The following STPG2 variants were observed in gnomAD, a reference collection of about 807,000 sequenced individuals.
STPG2 encodes the protein sperm-tail PG-rich repeat-containing protein 2.
A neutral mutation model predicts 54.2 loss-of-function variants in STPG2; 56 were observed. The ratio of observed to expected loss-of-function variants is 1.03; its 90% CI spans 0.83 to 1.29. The LOEUF (loss-of-function observed/expected upper bound fraction) is 1.29, where lower values mean the gene tolerates loss of function less well. Ranked by LOEUF, STPG2 falls within the 50% of genes most tolerant of loss-of-function variation. The pLI is 0.00. For missense variants in STPG2, 596 were observed against 544.9 expected (o/e 1.09, Z -0.93); for synonymous variants, 200 against 181.8 (o/e 1.10, Z -0.81).
intron 8 of STPG2, among the ~76,000 whole-genome samples, chr4:97,928,691 T>A (rs1403537229): frequency 6.6e-6 from 1 of 152,120 alleles, no homozygotes; most frequent in Admixed American, 6.5e-5. Context: ...ACAAGTTTAA[T>A]ATAAGGCCTA....
chr4:97,664,957 G>A (rs1468042371), intron 10 of STPG2, among the ~76,000 whole-genome samples: 1 of 152,094 alleles, frequency 6.6e-6, no homozygotes, highest in African/African-American at 2.4e-5. Flanking sequence ...AGGGAGGCTG[G>A]CTGCGGCAGG....
chr4:97,544,231 C>T (rs1011434742), intron 4 of STPG2, among the ~76,000 whole-genome samples: 4 of 152,030 alleles, frequency 2.6e-5, no homozygotes, highest in Admixed American at 6.6e-5. Context: ...AAAGTTAATG[C>T]AATCCATGGA....
intron 4 of STPG2, among the ~76,000 whole-genome samples, chr4:97,511,127 T>C (rs1461373153): frequency 6.6e-6 from 1 of 151,964 alleles, no homozygotes; most frequent in African/African-American, 2.4e-5. Flanking sequence ...ATTATGTAAA[T>C]TCAAAAAGTA....
At chr4:98,063,278 G>A (rs36015051) in intron 5 of STPG2, among the ~76,000 whole-genome samples, 59,768 of 151,518 alleles carry the variant, frequency 0.39, 11,996 homozygotes, top group Middle Eastern at 0.46. Flanking sequence ...GTGAAACCCC[G>A]TCTCTACTAA....
intron 5 of STPG2, among the ~76,000 whole-genome samples, chr4:98,068,528 C>A (rs1484981371): frequency 2.0e-5 from 3 of 152,028 alleles, no homozygotes; most frequent in Admixed American, 6.6e-5. Context: ...CTGAATTGCT[C>A]CTGAGTTTCA....
intron 4 of STPG2, among the ~76,000 whole-genome samples, chr4:97,513,646 T>C (rs1731017855): frequency 1.3e-5 from 2 of 152,136 alleles, no homozygotes; most frequent in African/African-American, 4.8e-5. Flanking sequence ...TATCTTATTA[T>C]AGATCATATC....
chr4:98,015,034 C>A (rs13122897), intron 5 of STPG2, among the ~76,000 whole-genome samples: 59,941 of 151,930 alleles, frequency 0.39, 12,051 homozygotes, highest in Middle Eastern at 0.46. Context: ...CTTTCAAATT[C>A]TCTTTGTTGT....
chr4:97,462,961 C>A (rs751568106), intron 4 of STPG2, among the ~76,000 whole-genome samples: 3 of 152,006 alleles, frequency 2.0e-5, no homozygotes, highest in African/African-American at 7.2e-5. Context: ...TTAAAAATTT[C>A]TTTATCTGAT....
chr4:97,698,935 C>T (rs1365822088), intron 10 of STPG2, among the ~76,000 whole-genome samples: 2 of 152,092 alleles, frequency 1.3e-5, no homozygotes, highest in Non-Finnish European at 2.9e-5. Flanking sequence ...TGTGGAATAC[C>T]ATGACAGTGG....
At chr4:97,560,321 A>G (rs921243151) in intron 10 of STPG2, among the ~76,000 whole-genome samples, 2 of 152,186 alleles carry the variant, frequency 1.3e-5, no homozygotes, top group Non-Finnish European at 1.5e-5. Flanking sequence ...TCTGTCATCA[A>G]TCATATTGTA....
At chr4:97,949,207 T>A (rs1475811579) in intron 7 of STPG2, among the ~76,000 whole-genome samples, 1 of 152,148 alleles carries the variant, frequency 6.6e-6, no homozygotes, top group African/African-American at 2.4e-5. Flanking sequence ...TAAAGTTTGT[T>A]GTTGTTTTAT....
At chr4:97,498,988 G>T (rs1484004287) in intron 4 of STPG2, among the ~76,000 whole-genome samples, 1 of 151,916 alleles carries the variant, frequency 6.6e-6, no homozygotes, top group Non-Finnish European at 1.5e-5. Context: ...CAGTACTTAA[G>T]GAATGATGAG....
chr4:97,827,169 T>G (rs1413920237), intron 9 of STPG2, among the ~76,000 whole-genome samples: 1 of 152,050 alleles, frequency 6.6e-6, no homozygotes, highest in African/African-American at 2.4e-5. Flanking sequence ...TTTGACTCTT[T>G]GCTTAAAATG....
At chr4:97,675,908 T>A (rs1722823485) in intron 10 of STPG2, among the ~76,000 whole-genome samples, 1 of 146,720 alleles carries the variant, frequency 6.8e-6, no homozygotes, top group South Asian at 2.1e-4. Context: ...CATATATATA[T>A]AGTGTATATA....
intron 10 of STPG2, among the ~76,000 whole-genome samples, chr4:97,708,413 G>A (rs1724017264): frequency 6.6e-6 from 1 of 151,886 alleles, no homozygotes; most frequent in South Asian, 2.1e-4. Flanking sequence ...ATGAAGTAAA[G>A]GGAAATATGG....
intron 5 of STPG2, among the ~76,000 whole-genome samples, chr4:98,023,925 C>T (rs1448310645): frequency 6.6e-6 from 1 of 152,114 alleles, no homozygotes; most frequent in South Asian, 2.1e-4. Context: ...TTCCAGGTGC[C>T]GTCTGTCACC....
chr4:97,839,888 C>T (rs1433686029), intron 9 of STPG2, among the ~76,000 whole-genome samples: 1 of 151,364 alleles, frequency 6.6e-6, no homozygotes, highest in African/African-American at 2.4e-5. Context: ...ATTTTTTTCT[C>T]CATATTCTCA....
At chr4:98,023,870 A>T (rs1438673819) in intron 5 of STPG2, among the ~76,000 whole-genome samples, 2 of 152,150 alleles carry the variant, frequency 1.3e-5, no homozygotes. Context: ...GCCGTTTTTT[A>T]AGCCCGTTGG....
At chr4:98,075,059 C>T (rs1738119464) in intron 5 of STPG2, among the ~76,000 whole-genome samples, 1 of 152,180 alleles carries the variant, frequency 6.6e-6, no homozygotes, top group Non-Finnish European at 1.5e-5. Context: ...AATTTTGACA[C>T]TGAGTTTAAA....
Sources: gnomAD v4.1 joint callset for allele counts (sites outside exome capture counted in the v4.1 genomes callset) on GRCh38, gnomAD v4.1.1 for gene constraint, MANE v1.5 for transcripts, NCBI Gene and HGNC (gene_info 2026-07-23, HGNC 2026-07-21) for gene names.